SETD1B: variants seen among roughly 807,000 people sequenced by gnomAD.
The protein encoded by SETD1B is histone-lysine N-methyltransferase SETD1B.
Under a neutral mutation model 148.0 loss-of-function variants are expected in SETD1B, and 7 were observed. The observed-to-expected ratio is 0.05, with a 90% CI of 0.03 to 0.09. SETD1B has a LOEUF of 0.09. Among genes scored for constraint, SETD1B ranks in the 10% least tolerant of loss-of-function variants. The pLI, the probability that SETD1B is intolerant of heterozygous loss-of-function variation, is 1.00. For missense variants in SETD1B, 2,155 were observed against 2,729.9 expected (o/e 0.79, Z 4.69); for synonymous variants, 1,361 against 1,186.5 (o/e 1.15, Z -3.02).
At position 121,805,255 on chromosome 12, in the gene SETD1B, C is replaced by CGGG; in HGVS notation, c.273+39_273+40insGGG. 6.8e-7 allele frequency: 1 copy of CGGG among 1,469,920 alleles called. No individual in the cohort carries two copies. The highest frequency in any genetic ancestry group is 9.3e-7 in the Non-Finnish European group (1 of 1,075,824). The allele number at this position is 1,469,920 out of a possible 1,614,324, so 91.1% of individuals were successfully genotyped here. ...CCACTGCCCCGCCGTCCCTCCCCCACCTCCCCGAGTTCGAAAATAACGCCA... is the reference window on the plus strand; with the variant it reads ...CCACTGCCCCGCCGTCCCTCCCCCACGGGCTCCCCGAGTTCGAAAATAACGCCA... On this transcript the variant is annotated intron_variant, in intron 3 of 16. Coordinates refer to ENST00000604567, the MANE Select transcript of SETD1B (RefSeq NM_001353345.2). The surrounding 1 kb of genome is among the most constrained non-coding windows in gnomAD (Gnocchi z 4.2).
chr12:121,790,315 G>A, the SETD1B span, among the ~76,000 whole-genome samples: 2 of 152,256 alleles, frequency 1.3e-5, no homozygotes, highest in Admixed American at 6.5e-5. Context: ...CACTGTGTGT[G>A]GCCCATTGGG....
At chr12:121,815,701 G>T (rs1592981848) in intron 7 of SETD1B, among the ~76,000 whole-genome samples, 2 of 152,144 alleles carry the variant, frequency 1.3e-5, no homozygotes, top group South Asian at 4.2e-4. Flanking sequence ...TGTAAAGACA[G>T]AGTTTCACCA....
chr12:121,804,606 G>A lies in SETD1B; in HGVS notation c.-14-118G>A. On this transcript the variant is annotated intron_variant, in intron 1 of 16. Coordinates refer to ENST00000604567, the MANE Select transcript of SETD1B (RefSeq NM_001353345.2). This position sits in a 1 kb window ranked among gnomAD's most constrained non-coding sequence, Gnocchi z 4.6. Reference sequence around the variant, plus strand: ...GGAGCCAGCGAGACAGCTCCTTTCGGGGCGCGCTGGCAAGGTGGGAGGGGG... The same window carrying A: ...GGAGCCAGCGAGACAGCTCCTTTCGAGGCGCGCTGGCAAGGTGGGAGGGGG... 2.4e-6 allele frequency: 2 copies of A among 816,976 alleles called. No individual in the cohort carries two copies. The highest frequency in any genetic ancestry group is 3.8e-6 in the Non-Finnish European group (2 of 527,972). 50.6% of individuals were successfully genotyped at this position (816,976 alleles called of 1,614,324 possible).
Position 121,817,695 on chromosome 12 carries a change from A to G in SETD1B, c.3303A>G (p.Thr1101=), listed in dbSNP as rs1393253167. The part of the protein sequence containing the change: ...SQLSSSSTSS[T]SDKDDDDDDS... ...TCTCCTCCTCCTCAACCTCATCCAC[A>G]TCAGATAAGGTGCCTAGCAGGCCAG... The change falls in exon 9 of 17, where the codon ACA becomes ACG. Residue 1101 remains threonine (T), a synonymous_variant. Transcript: ENST00000604567. The surrounding 1 kb of genome is among the most constrained non-coding windows in gnomAD (Gnocchi z 8.1). 1.6e-5 allele frequency: 24 copies of G among 1,546,948 alleles called. No homozygotes were observed. Among genetic ancestry groups the G allele is most frequent in the Non-Finnish European group, 1.9e-5 (22 of 1,143,720 alleles).
chr12:121,810,816 C>T lies in SETD1B; in HGVS notation c.1871C>T (p.Thr624Ile), dbSNP rs770248749. Residue 624 changes from threonine to isoleucine, a missense_variant, in exon 6 of 17, where the codon ACC becomes ATC. Physicochemically the swap from Thr to Ile is moderately conservative, Grantham distance 89 (BLOSUM62 -1). This residue lies in a region of SETD1B where 295 missense variants were observed against 303.8 expected (regional missense o/e 0.97). Coordinates refer to ENST00000604567, the MANE Select transcript of SETD1B (RefSeq NM_001353345.2). The surrounding 1 kb of genome is among the most constrained non-coding windows in gnomAD (Gnocchi z 7.6). ...GACCTGGTTGGAGACAGAACCCCGA[C>T]CTCAGAGAAGATGGATGAGGTACCA... is the stretch of plus-strand genomic sequence containing the variant. ...ALDLVGDRTP[T>I]SEKMDEGQQS... 1.3e-6 allele frequency: 2 copies of T among 1,513,680 alleles called. No homozygotes were observed. Among genetic ancestry groups the T allele is most frequent in the South Asian group, 1.2e-5 (1 of 80,560 alleles). 93.8% of individuals were successfully genotyped at this position (1,513,680 alleles called of 1,614,324 possible).
rs1343013679 is a variant in SETD1B, at chr12:121,823,435, C to T, written c.4856C>T (p.Pro1619Leu). ...AACCAGTGGCCCTCCGAGGCCATTC[C>T]TCCGGGCCCCCGTGGGCGCGATGAG... is the stretch of plus-strand genomic sequence containing the variant. ...LDNQWPSEAI[P>L]PGPRGRDEVT... The change falls in exon 12 of 17, where the codon CCT becomes CTT. Residue 1619 changes from proline (P) to leucine (L), a missense_variant. Pro to Leu is a moderately conservative substitution (Grantham distance 98, BLOSUM62 -3). Around this residue, in one of 11 missense-constraint regions of SETD1B, gnomAD observed 862 missense variants for 873.8 expected, o/e 0.99. Coordinates refer to ENST00000604567, the MANE Select transcript of SETD1B (RefSeq NM_001353345.2). The T allele has an allele frequency of 5.2e-6, 8 of 1,549,084 alleles. No homozygotes were observed. Among genetic ancestry groups the T allele is most frequent in the Admixed American group, 2.0e-5 (1 of 50,868 alleles).
At chr12:121,824,278 T>C (rs940211623) in intron 12 of SETD1B, among the ~76,000 whole-genome samples, 3 of 152,232 alleles carry the variant, frequency 2.0e-5, no homozygotes, top group African/African-American at 7.2e-5. Flanking sequence ...GCTGTTCACA[T>C]AGGCCAGTGA....
In SETD1B at chr12:121,822,734, G is replaced by A; in HGVS notation, c.4155G>A (p.Gly1385=). 6 of 1,518,192 alleles carry A rather than the reference G, an allele frequency of 4.0e-6. No individual in the cohort carries two copies. Among genetic ancestry groups the A allele is most frequent in the Non-Finnish European group, 4.4e-6 (5 of 1,125,246 alleles). The allele number at this position is 1,518,192 out of a possible 1,614,324, so 94.0% of individuals were successfully genotyped here. A position where few individuals can be genotyped will look rare whatever the true frequency, so the allele number is the denominator to read the frequency against. Residue 1385 remains glycine (G), a synonymous_variant, in exon 12 of 17, where the codon GGG becomes GGA. Coordinates refer to ENST00000604567, the MANE Select transcript of SETD1B (RefSeq NM_001353345.2). ...AGACGGTGCCAGCCACACCAGGCGG[G>A]GAGCCCCCGCTATCAGGGGGCAGCA... is the stretch of plus-strand genomic sequence containing the variant. ...STETVPATPG[G]EPPLSGGSSG... is the part of the protein sequence containing the mutation.
At chr12:121,822,416 G>T in intron 11 of SETD1B, 74 bp from the exon 12 acceptor site, 1 of 1,464,548 alleles carries the variant, frequency 6.8e-7, no homozygotes, top group Non-Finnish European at 9.1e-7. Flanking sequence ...TGCCAGGTAT[G>T]GAGCACAAAA....
At chr12:121,806,243 C>T (rs2137544776) in intron 4 of SETD1B, 138 bp downstream of exon 4, 3 of 951,176 alleles carry the variant, frequency 3.2e-6, no homozygotes, top group Non-Finnish European at 4.6e-6. Context: ...TTAGCCCCCT[C>T]CTGAGGGTAG....
Position 121,822,731 on chromosome 12 carries a change from C to T in SETD1B, c.4152C>T (p.Gly1384=), listed in dbSNP as rs1164058659. 1.3e-5 allele frequency: 20 copies of T among 1,519,256 alleles called. No homozygotes were observed. Among genetic ancestry groups the T allele is most frequent in the African/African-American group, 2.8e-5 (2 of 72,296 alleles). The allele number at this position is 1,519,256 out of a possible 1,614,324, so 94.1% of individuals were successfully genotyped here. The change falls in exon 12 of 17, where the codon GGC becomes GGT. Residue 1384 remains glycine (G), a synonymous_variant. Transcript: ENST00000604567. ...CAGAGACGGTGCCAGCCACACCAGG[C>T]GGGGAGCCCCCGCTATCAGGGGGCA... The part of the protein sequence containing the change: ...QSTETVPATP[G]GEPPLSGGSS...
In SETD1B at chr12:121,831,641, A is replaced by G. The variant is rs919495463; in HGVS notation, c.*1402A>G. The G allele has an allele frequency of 3.3e-5, 5 of 151,994 alleles. No homozygotes were observed. Among genetic ancestry groups the G allele is most frequent in the African/African-American group, 4.8e-5 (2 of 41,402 alleles). The allele number at this position is 151,994 out of a possible 1,614,324, so 9.4% of individuals were successfully genotyped here. On this transcript the variant is annotated 3_prime_UTR_variant, in exon 17 of 17. Coordinates refer to ENST00000604567, the MANE Select transcript of SETD1B (RefSeq NM_001353345.2). ...CTTCCAAAAAAAAAGGAAAAAAAAG[A>G]CAAAAGCAAGTCCCCCCGTACCCCA... is the stretch of plus-strand genomic sequence containing the variant.
Position 121,812,199 on chromosome 12 carries a change from T to A in SETD1B, c.1890+1364T>A, listed in dbSNP as rs553235463. ...CTGGGCTTTCTGCGGCCGCGCGCAG[T>A]GCGGGGAGCTGGACCCCGTCCCATC... is the stretch of plus-strand genomic sequence containing the variant. On this transcript the variant is annotated intron_variant, in intron 6 of 16. Transcript: ENST00000604567. Among the ~76,000 whole-genome samples the A allele has an allele frequency of 4.5e-4, 68 of 151,912 alleles. 1 individual carries two copies. The highest frequency in any genetic ancestry group is 1.5e-3 in the African/African-American group (63 of 41,392).
In SETD1B at chr12:121,817,180, G is replaced by A; in HGVS notation, c.2863G>A (p.Gly955Arg). The change falls in exon 8 of 17, where the codon GGG becomes AGG. Residue 955 changes from glycine (G) to arginine (R), a missense_variant. Physicochemically the swap from Gly to Arg is moderately radical, Grantham distance 125. This residue lies in a region of SETD1B where 289 missense variants were observed against 423.7 expected (regional missense o/e 0.68). Coordinates refer to ENST00000604567, the MANE Select transcript of SETD1B (RefSeq NM_001353345.2). This position sits in a 1 kb window ranked among gnomAD's most constrained non-coding sequence, Gnocchi z 8.1. ...EGLGLGIGLR[G>R]AIRLPSFKVK... ...CCTGGGCCTGGGCATTGGGCTGCGTGGGGCCATTCGCCTGCCCTCCTTCAA... is the reference window on the plus strand; with the variant it reads ...CCTGGGCCTGGGCATTGGGCTGCGTAGGGCCATTCGCCTGCCCTCCTTCAA... 1 of 1,550,050 alleles carries A rather than the reference G, an allele frequency of 6.5e-7. No individual in the cohort carries two copies. Among genetic ancestry groups the A allele is most frequent in the Non-Finnish European group, 8.7e-7 (1 of 1,146,922 alleles).
chr12:121,810,788 T>A lies in SETD1B; in HGVS notation c.1843T>A (p.Leu615Met). 2 of 1,536,320 alleles carry A rather than the reference T, an allele frequency of 1.3e-6. No individual in the cohort carries two copies. Among genetic ancestry groups the A allele is most frequent in the South Asian group, 2.4e-5 (2 of 83,046 alleles). Residue 615 changes from leucine (L) to methionine (M), a missense_variant, in exon 6 of 17, where the codon TTG (leucine) becomes ATG (methionine). Physicochemically the swap from Leu to Met is conservative, Grantham distance 15. Transcript: ENST00000604567. The surrounding 1 kb of genome is among the most constrained non-coding windows in gnomAD (Gnocchi z 7.6). ...GLLSQTAEVA[L>M]DLVGDRTPTS... ...TCTGAGCCAGACAGCTGAGGTGGCC[T>A]TGGACCTGGTTGGAGACAGAACCCC...
intron 16 of SETD1B, among the ~76,000 whole-genome samples, chr12:121,829,739 A>C (rs1407474497): frequency 8.5e-5 from 13 of 152,304 alleles, no homozygotes. Context: ...TTACAAAAAC[A>C]GGCTGCTAGG....
rs931885914 is a variant in SETD1B at position 121,823,074 on chromosome 12, C to T, written c.4495C>T (p.Pro1499Ser). 7 of 1,510,364 alleles carry T rather than the reference C, an allele frequency of 4.6e-6. No homozygotes were observed. Among genetic ancestry groups the T allele is most frequent in the African/African-American group, 2.8e-5 (2 of 72,374 alleles). 93.6% of individuals were successfully genotyped at this position (1,510,364 alleles called of 1,614,324 possible). A position where few individuals can be genotyped will look rare whatever the true frequency, so the allele number is the denominator to read the frequency against. ...VLRAQARAPT[P>S]LPPLLPAPLA... ...GCGGGCCCAGGCTCGTGCGCCCACC[C>T]CGCTGCCACCCCTGCTGCCCGCCCC... The change falls in exon 12 of 17, where the codon CCG (proline) becomes TCG (serine). Residue 1499 changes from proline (P) to serine (S), a missense_variant. Transcript: ENST00000604567.
Position 121,830,401 on chromosome 12 carries a change from C to G in SETD1B, c.*162C>G, listed in dbSNP as rs1426146026. 1.6e-6 allele frequency: 1 copy of G among 627,492 alleles called. No homozygotes were observed. Among genetic ancestry groups the G allele is most frequent in the Admixed American group, 3.1e-5 (1 of 32,052 alleles). The allele number at this position is 627,492 out of a possible 1,614,324, so 38.9% of individuals were successfully genotyped here. On this transcript the variant is annotated 3_prime_UTR_variant, in exon 17 of 17. Transcript: ENST00000604567. This position sits in a 1 kb window ranked among gnomAD's most constrained non-coding sequence, Gnocchi z 5.7. ...TGGCGCCCCACACTACCCCCTGGAG[C>G]CCCTGGCTCCGGCCCCTCCGCGGGA...
chr12:121,815,068 C>T, intron 7 of SETD1B, 138 bp downstream of exon 7: 3 of 815,390 alleles, frequency 3.7e-6, no homozygotes, highest in South Asian at 1.9e-5. Context: ...TTTCATGTGG[C>T]CACTTTCAAA....
Sources: allele counts gnomAD v4.1 joint callset (sites outside exome capture counted in the v4.1 genomes callset), GRCh38; gene constraint gnomAD v4.1.1; regional missense constraint gnomAD v4.1.1; non-coding constraint Gnocchi (gnomAD v3.1); transcripts MANE v1.5; gene names NCBI Gene and HGNC (gene_info 2026-07-23, HGNC 2026-07-21).